ACOT7: variants seen among roughly 807,000 people sequenced by gnomAD.
The protein encoded by ACOT7 is cytosolic acyl coenzyme A thioester hydrolase.
ACOT7 carries 12 observed loss-of-function variants against 40.2 expected under a neutral mutation model. The ratio of observed to expected loss-of-function variants is 0.30; its 90% CI spans 0.19 to 0.48. The LOEUF is 0.48. ACOT7 is among the 20% of genes least tolerant of loss of function. The pLI, the probability that ACOT7 is intolerant of heterozygous loss-of-function variation, is 0.99. For missense variants in ACOT7, 395 were observed against 530.8 expected, an observed-to-expected ratio of 0.74 and a Z score of 2.51; for synonymous variants, 228 against 219.5, an observed-to-expected ratio of 1.04 and a Z score of -0.34.
At chr1:6,370,120 G>A in intron 1 of ACOT7, among the ~76,000 whole-genome samples, 1 of 152,144 alleles carries the variant, frequency 6.6e-6, no homozygotes, top group East Asian at 1.9e-4. Context: ...ATTAGCCTCT[G>A]GGAGAACTAA....
intron 2 of ACOT7, among the ~76,000 whole-genome samples, chr1:6,345,029 C>T (rs1641381957): frequency 6.6e-6 from 1 of 152,110 alleles, no homozygotes; most frequent in Non-Finnish European, 1.5e-5. Flanking sequence ...TGGACCAGGC[C>T]CAGGGAGTCC....
intron 2 of ACOT7, among the ~76,000 whole-genome samples, chr1:6,343,322 G>A (rs962829283): frequency 1.3e-5 from 2 of 152,342 alleles, no homozygotes; most frequent in East Asian, 1.9e-4. Context: ...TGCAAGCTCC[G>A]GGGCCCACCC....
rs1639264756 is a variant in ACOT7, at chr1:6,278,491, G to A, written c.1014+2611C>T. On this transcript the variant is annotated intron_variant, in intron 8 of 8. Coordinates refer to ENST00000361521, the MANE Select transcript of ACOT7 (RefSeq NM_007274.4). The surrounding 1 kb of genome is among the most constrained non-coding windows in gnomAD (Gnocchi z 4.1). ...TGGGCGTGGGCATGGGGGGAGTAGGGAGGAGCCAGCTGGGTTCCCAGACTT... is the reference window on the plus strand; with the variant it reads ...TGGGCGTGGGCATGGGGGGAGTAGGAAGGAGCCAGCTGGGTTCCCAGACTT... Among the ~76,000 whole-genome samples the A allele has an allele frequency of 6.6e-6, 1 of 152,140 alleles. No homozygotes were observed. The highest frequency in any genetic ancestry group is 6.5e-5 in the Admixed American group (1 of 15,278).
chr1:6,360,656 C>T (rs1419239279), intron 1 of ACOT7: 2 of 1,614,224 alleles, frequency 1.2e-6, no homozygotes, highest in African/African-American at 2.7e-5. Context: ...GGAGCATCGT[C>T]TCCCCACGTC....
At chr1:6,312,920 A>C (rs1330995072) in intron 6 of ACOT7, among the ~76,000 whole-genome samples, 1 of 152,164 alleles carries the variant, frequency 6.6e-6, no homozygotes, top group Non-Finnish European at 1.5e-5. Context: ...CACCTGCCAA[A>C]ACTGCCTGGG....
intron 1 of ACOT7, among the ~76,000 whole-genome samples, chr1:6,380,748 C>T (rs925339205): frequency 1.5e-4 from 23 of 149,114 alleles, no homozygotes; most frequent in Admixed American, 1.3e-3. Flanking sequence ...GATCATAAGC[C>T]GAAAAGTAAA....
chr1:6,385,059 G>T (rs1419332760), intron 1 of ACOT7, among the ~76,000 whole-genome samples: 1 of 151,938 alleles, frequency 6.6e-6, no homozygotes, highest in African/African-American at 2.4e-5. Context: ...GCACTGTTAG[G>T]ATCAGCCAAT....
At chr1:6,267,819 C>A (rs893573764) in intron 8 of ACOT7, among the ~76,000 whole-genome samples, 1 of 152,218 alleles carries the variant, frequency 6.6e-6, no homozygotes, top group African/African-American at 2.4e-5. Context: ...TGGAAACCAG[C>A]CCAGCATCTT....
chr1:6,368,772 G>T (rs1642069826), intron 1 of ACOT7, among the ~76,000 whole-genome samples: 1 of 152,182 alleles, frequency 6.6e-6, no homozygotes, highest in African/African-American at 2.4e-5. Flanking sequence ...GGTGCAGTCA[G>T]CTGCCCGGGG....
At chr1:6,296,730 T>C (rs1639823424) in intron 6 of ACOT7, among the ~76,000 whole-genome samples, 1 of 151,932 alleles carries the variant, frequency 6.6e-6, no homozygotes, top group Non-Finnish European at 1.5e-5. Flanking sequence ...GCCATAACTT[T>C]TTAATTTATT....
Position 6,338,450 on chromosome 1 carries a change from G to A in ACOT7, c.418+983C>T, listed in dbSNP as rs898421614. Among the ~76,000 whole-genome samples, 1 of 152,206 alleles carries A rather than the reference G, an allele frequency of 6.6e-6. No homozygotes were observed. The highest frequency in any genetic ancestry group is 1.5e-5 in the Non-Finnish European group (1 of 68,034). The stretch of plus-strand genomic sequence containing the variant: ...ATCCAGGGTCCCTCTGATGTCAGAG[G>A]TGCCTGCTGAGGGAGCAGCAGGCAA... On this transcript the variant is annotated intron_variant, in intron 3 of 8. Coordinates refer to ENST00000361521, the MANE Select transcript of ACOT7 (RefSeq NM_007274.4). The surrounding 1 kb of genome is among the most constrained non-coding windows in gnomAD (Gnocchi z 4.4).
chr1:6,326,956 C>T (rs905595487), intron 5 of ACOT7, among the ~76,000 whole-genome samples: 2 of 149,888 alleles, frequency 1.3e-5, no homozygotes, highest in Admixed American at 6.6e-5. Context: ...AAGAAAAGAA[C>T]AAGCCACTGA....
At chr1:6,276,269 C>T (rs1639185854) in intron 8 of ACOT7, among the ~76,000 whole-genome samples, 1 of 152,158 alleles carries the variant, frequency 6.6e-6, no homozygotes, top group Non-Finnish European at 1.5e-5. Flanking sequence ...GACCCTCCTG[C>T]AGGCTGAAAA....
chr1:6,344,971 G>A (rs1274198052), intron 2 of ACOT7, among the ~76,000 whole-genome samples: 1 of 152,144 alleles, frequency 6.6e-6, no homozygotes, highest in African/African-American at 2.4e-5. Context: ...ACCCAGGACG[G>A]CTCTGATTTG....
intron 1 of ACOT7, among the ~76,000 whole-genome samples, chr1:6,368,741 T>C (rs538764173): frequency 1.3e-5 from 2 of 152,178 alleles, no homozygotes; most frequent in Non-Finnish European, 2.9e-5. Context: ...AGGTCCTGCC[T>C]GGCTGTGCAA....
intron 6 of ACOT7, among the ~76,000 whole-genome samples, chr1:6,297,508 C>A (rs1639842078): frequency 6.6e-6 from 1 of 152,202 alleles, no homozygotes; most frequent in East Asian, 1.9e-4. Context: ...CGAGCAGAGG[C>A]CAGCCAGGGC....
At chr1:6,388,549 G>A (rs1642479404) in intron 1 of ACOT7, among the ~76,000 whole-genome samples, 1 of 146,352 alleles carries the variant, frequency 6.8e-6, no homozygotes, top group Admixed American at 6.8e-5. Context: ...GACCAGCCTG[G>A]CAAACACAGT....
chr1:6,304,933 G>T (rs1486711486), intron 6 of ACOT7, among the ~76,000 whole-genome samples: 1 of 147,010 alleles, frequency 6.8e-6, no homozygotes, highest in African/African-American at 2.7e-5. Flanking sequence ...CAGGGTGGTG[G>T]CCGGGCAGAG....
chr1:6,266,951 G>A (rs1638870067), intron 8 of ACOT7, among the ~76,000 whole-genome samples: 1 of 152,250 alleles, frequency 6.6e-6, no homozygotes, highest in Non-Finnish European at 1.5e-5. Flanking sequence ...TTGGGAGCAG[G>A]AGAGCTGGGG....
Sources: allele counts gnomAD v4.1 joint callset (sites outside exome capture counted in the v4.1 genomes callset), GRCh38; gene constraint gnomAD v4.1.1; non-coding constraint Gnocchi (gnomAD v3.1); transcripts MANE v1.5; gene names NCBI Gene and HGNC (gene_info 2026-07-23, HGNC 2026-07-21).